MCM9: variants seen among roughly 807,000 people sequenced by gnomAD.
MCM9 encodes the protein DNA helicase MCM9.
MCM9 carries 55 observed loss-of-function variants against 72.8 expected under a neutral mutation model. The observed-to-expected ratio is 0.76, with a 90% CI of 0.61 to 0.95. MCM9 has a LOEUF of 0.95. Ranked by LOEUF, MCM9 falls within the 40% of genes least tolerant of loss-of-function variation. The probability of loss-of-function intolerance (pLI) is 0.00; values close to 1 mark genes in which losing one functional copy is unlikely to be tolerated. For synonymous variants in MCM9, 480 were observed against 503.4 expected, an observed-to-expected ratio of 0.95 and a Z score of 0.62; for missense variants, 1,279 against 1,377.0, an observed-to-expected ratio of 0.93 and a Z score of 1.13.
In MCM9 at chr6:118,838,668, G is replaced by A. The variant is rs563563501; in HGVS notation, c.1326-9418C>T. Among the ~76,000 whole-genome samples, 15 of 152,278 alleles carry A rather than the reference G, an allele frequency of 9.9e-5. No homozygotes were observed. In the South Asian group the frequency reaches 2.1e-3, roughly 21 times the overall value. ...GATCTCCTGACCTCGTGATCCGCCC[G>A]CCGCAGCCTCCCAAAGTGCTGGGAT... On this transcript the variant is annotated intron_variant, in intron 9 of 13. Coordinates refer to ENST00000619706, the MANE Select transcript of MCM9 (RefSeq NM_017696.3).
At chr6:118,846,945 C>A (rs1353187658) in intron 9 of MCM9, among the ~76,000 whole-genome samples, 1 of 151,756 alleles carries the variant, frequency 6.6e-6, no homozygotes, top group Non-Finnish European at 1.5e-5. Flanking sequence ...TCTCCCTACC[C>A]TGCCCCAAAA....
intron 6 of MCM9, among the ~76,000 whole-genome samples, chr6:118,916,925 T>G (rs1245714755): frequency 1.6e-4 from 24 of 152,240 alleles, no homozygotes; most frequent in Non-Finnish European, 2.9e-5. Context: ...CTTCAGTTTA[T>G]TTTTCTCAAA....
At chr6:118,846,681 A>G (rs1775891143) in intron 9 of MCM9, among the ~76,000 whole-genome samples, 1 of 151,728 alleles carries the variant, frequency 6.6e-6, no homozygotes. Context: ...TAAACATCCT[A>G]TAGAAACAAA....
intron 13 of MCM9, among the ~76,000 whole-genome samples, chr6:118,823,163 A>C (rs375552790): frequency 1.3e-5 from 2 of 151,504 alleles, no homozygotes; most frequent in African/African-American, 4.8e-5. Flanking sequence ...ATGAAAAAAA[A>C]CTCCTGAAGC....
intron 8 of MCM9, among the ~76,000 whole-genome samples, chr6:118,903,872 C>G (rs574245318): frequency 6.6e-6 from 1 of 152,214 alleles, no homozygotes; most frequent in African/African-American, 2.4e-5. Context: ...CAGGCGTGAG[C>G]CACCGTGCTC....
chr6:118,910,142 A>G (rs1004375194), intron 8 of MCM9, among the ~76,000 whole-genome samples: 2 of 149,930 alleles, frequency 1.3e-5, no homozygotes, highest in South Asian at 2.1e-4. Context: ...AAAAGACTCC[A>G]TAACAAGTTT....
chr6:118,869,930 G>A (rs183850584), intron 8 of MCM9, among the ~76,000 whole-genome samples: 2 of 152,226 alleles, frequency 1.3e-5, no homozygotes, highest in Non-Finnish European at 1.5e-5. Context: ...AGTAAGAACG[G>A]TATCCATCCA....
intron 9 of MCM9, among the ~76,000 whole-genome samples, chr6:118,839,941 C>T (rs987121639): frequency 1.3e-5 from 2 of 152,152 alleles, no homozygotes; most frequent in African/African-American, 2.4e-5. Context: ...TAGCAGAGCT[C>T]GAGCGCTGTG....
At chr6:118,851,309 C>T (rs535349544) in intron 9 of MCM9, among the ~76,000 whole-genome samples, 1 of 151,600 alleles carries the variant, frequency 6.6e-6, no homozygotes, top group Non-Finnish European at 1.5e-5. Context: ...CCATAAGAAC[C>T]CAAGCTCTGT....
chr6:118,921,544 A>G (rs2114356242), intron 5 of MCM9: 1 of 153,818 alleles, frequency 6.5e-6, no homozygotes, highest in Non-Finnish European at 1.4e-5. Context: ...ACCAGCACAG[A>G]GCAGAGAGGA....
chr6:118,902,804 A>G (rs1006048676), intron 8 of MCM9, among the ~76,000 whole-genome samples: 4 of 152,230 alleles, frequency 2.6e-5, no homozygotes, highest in Non-Finnish European at 5.9e-5. Context: ...TTATCAACAG[A>G]AAGAGACTAA....
At chr6:118,858,020 A>T (rs1166390362) in intron 8 of MCM9, among the ~76,000 whole-genome samples, 2 of 152,166 alleles carry the variant, frequency 1.3e-5, no homozygotes, top group African/African-American at 4.8e-5. Context: ...TTATCATACT[A>T]ATTGTCATAA....
At chr6:118,835,323 G>A (rs899914437) in intron 9 of MCM9, among the ~76,000 whole-genome samples, 3 of 152,110 alleles carry the variant, frequency 2.0e-5, no homozygotes, top group African/African-American at 7.2e-5. Flanking sequence ...GGATTGTCTT[G>A]TCTATATGGG....
chr6:118,910,755 T>C (rs1780484504), intron 8 of MCM9: 1 of 985,332 alleles, frequency 1.0e-6, no homozygotes, highest in Non-Finnish European at 1.2e-6. Context: ...AAATCCATTC[T>C]TGTCAATGGT....
rs1778156896 is a variant in MCM9 at position 118,879,646 on chromosome 6, T to TA, written c.1151-23102dup. 2.6e-5 allele frequency among the ~76,000 whole-genome samples: 4 copies of TA among 151,628 alleles called. No individual in the cohort carries two copies. The South Asian group carries it at 8.3e-4, about 32-fold the overall frequency. ...GATAGACATTATACTGCCATCAGAA[T>TA]AAAAAATACTAGTATGTGGCCTTTT... On this transcript the variant is annotated intron_variant, in intron 8 of 13. Coordinates refer to ENST00000619706, the MANE Select transcript of MCM9 (RefSeq NM_017696.3).
intron 9 of MCM9, 69 bp downstream of exon 9, chr6:118,856,302 G>A (rs1262451612): frequency 2.6e-5 from 37 of 1,426,526 alleles, no homozygotes; most frequent in Non-Finnish European, 4.7e-6. Context: ...GCTCAACAAG[G>A]TTCACATTTT....
At chr6:118,934,482 A>AGCCCC (rs1233774480) in intron 1 of MCM9, 2 of 151,838 alleles carry the variant, frequency 1.3e-5, no homozygotes, top group African/African-American at 4.8e-5. Flanking sequence ...GAATCGCGGC[A>AGCCCC]GCCCCGCCCC....
At chr6:118,889,439 G>A (rs1421273307) in intron 8 of MCM9, among the ~76,000 whole-genome samples, 1 of 152,200 alleles carries the variant, frequency 6.6e-6, no homozygotes, top group Non-Finnish European at 1.5e-5. Flanking sequence ...CTAGCCTAGA[G>A]ATGTTTTAAA....
intron 8 of MCM9, among the ~76,000 whole-genome samples, chr6:118,880,749 T>C (rs996076564): frequency 6.6e-6 from 1 of 152,220 alleles, no homozygotes; most frequent in African/African-American, 2.4e-5. Flanking sequence ...GGGAAGTTAG[T>C]AGAAGGCAGC....
Sources: gnomAD v4.1 joint callset for allele counts (sites outside exome capture counted in the v4.1 genomes callset) on GRCh38, gnomAD v4.1.1 for gene constraint, MANE v1.5 for transcripts, NCBI Gene and HGNC (gene_info 2026-07-23, HGNC 2026-07-21) for gene names.